ERBB4: variants seen among roughly 807,000 people sequenced by gnomAD.
The protein encoded by ERBB4 is receptor tyrosine-protein kinase erbB-4.
ERBB4 carries 42 observed loss-of-function variants against 158.0 expected under a neutral mutation model. That is an observed-to-expected ratio of 0.27 (90% CI 0.21 to 0.34). The LOEUF is 0.34. ERBB4 is among the 10% of genes least tolerant of loss of function. The probability of loss-of-function intolerance (pLI) is 1.00; values close to 1 mark genes in which losing one functional copy is unlikely to be tolerated. For synonymous variants in ERBB4, 583 were observed against 558.7 expected (o/e 1.04, Z -0.61); for missense variants, 1,333 against 1,624.1 (o/e 0.82, Z 3.08).
At chr2:211,578,748 C>A (rs1313914077) in intron 19 of ERBB4, among the ~76,000 whole-genome samples, 2 of 152,132 alleles carry the variant, frequency 1.3e-5, no homozygotes, top group Non-Finnish European at 2.9e-5. Flanking sequence ...ACTGGCTAGC[C>A]ATATGCAGAA....
chr2:212,317,452 A>G (rs926703441), intron 1 of ERBB4, among the ~76,000 whole-genome samples: 2 of 151,538 alleles, frequency 1.3e-5, no homozygotes, highest in African/African-American at 4.8e-5. Flanking sequence ...CATGGCTAAG[A>G]CTCTGATGCT....
intron 1 of ERBB4, among the ~76,000 whole-genome samples, chr2:212,140,846 A>AGTGTGTGTGTGTGTGTGTGTGTGT (rs35461019): frequency 7.6e-6 from 1 of 131,664 alleles, no homozygotes; most frequent in Admixed American, 7.6e-5. Context: ...AGGAAACATG[A>AGTGTGTGTGTGTGTGTGTGTGTGT]GTGTGTGTGT....
chr2:212,527,854 TC>T (rs767454529), intron 1 of ERBB4, among the ~76,000 whole-genome samples: 1,947 of 53,838 alleles, frequency 0.036, 23 homozygotes, highest in Non-Finnish European at 0.048. Flanking sequence ...CCCTCCCCCC[TC>T]CCCCCACCCC....
intron 16 of ERBB4, among the ~76,000 whole-genome samples, chr2:211,651,637 A>G (rs1366159910): frequency 6.9e-6 from 1 of 144,738 alleles, no homozygotes; most frequent in Non-Finnish European, 1.5e-5. Context: ...GACAAAATCT[A>G]GGAGATTCAA....
intron 1 of ERBB4, among the ~76,000 whole-genome samples, chr2:212,129,506 TGTATGGTATAAATACTTAGGATTTTG>T (rs1209283500): frequency 5.3e-5 from 8 of 151,732 alleles, no homozygotes; most frequent in African/African-American, 1.9e-4. Flanking sequence ...TTTAAATATT[TGTATGGTATAAATACTTAGGATTTTG>T]TTTAAACTTC....
At chr2:211,815,260 T>C (rs1015052279) in intron 3 of ERBB4, among the ~76,000 whole-genome samples, 2 of 152,198 alleles carry the variant, frequency 1.3e-5, no homozygotes, top group African/African-American at 2.4e-5. Context: ...ATTAGACATA[T>C]AGTAAATTAT....
intron 2 of ERBB4, among the ~76,000 whole-genome samples, chr2:212,055,568 G>A (rs553976276): frequency 8.5e-5 from 13 of 152,286 alleles, no homozygotes; most frequent in South Asian, 4.1e-4. Flanking sequence ...CGGGTACCCC[G>A]CTGAGATGAA....
intron 9 of ERBB4, among the ~76,000 whole-genome samples, chr2:211,710,528 G>A (rs551499844): frequency 1.3e-5 from 2 of 152,102 alleles, no homozygotes; most frequent in East Asian, 3.9e-4. Context: ...AGGCCAGTGG[G>A]GACTATGGTA....
chr2:212,534,800 C>T lies in ERBB4; in HGVS notation c.82+3649G>A, dbSNP rs551945813. Reference sequence around the variant, plus strand: ...AAGGGATGAAAGCTCATGAATACTACATATTTGAATCCACTTTGAGGAGGA... The same window carrying T: ...AAGGGATGAAAGCTCATGAATACTATATATTTGAATCCACTTTGAGGAGGA... On this transcript the variant is annotated intron_variant, in intron 1 of 27. Transcript: ENST00000342788. Among the ~76,000 whole-genome samples, 4 of 152,266 alleles carry T rather than the reference C, an allele frequency of 2.6e-5. No homozygotes were observed. In the South Asian group the frequency reaches 8.3e-4, roughly 32 times the overall value.
At chr2:211,939,190 G>T (rs1288320018) in intron 3 of ERBB4, among the ~76,000 whole-genome samples, 1 of 152,012 alleles carries the variant, frequency 6.6e-6, no homozygotes, top group Non-Finnish European at 1.5e-5. Context: ...CAATTTAATG[G>T]TTCACTGACA....
At chr2:212,083,534 C>A (rs1374061553) in intron 2 of ERBB4, among the ~76,000 whole-genome samples, 2 of 151,704 alleles carry the variant, frequency 1.3e-5, no homozygotes, top group African/African-American at 4.8e-5. Context: ...GTAAAATAGT[C>A]AAGAGAATGT....
At chr2:211,546,495 T>C (rs2066944458) in intron 20 of ERBB4, among the ~76,000 whole-genome samples, 1 of 152,162 alleles carries the variant, frequency 6.6e-6, no homozygotes, top group Non-Finnish European at 1.5e-5. Flanking sequence ...GTATTCATTA[T>C]TAACCTAAGT....
intron 1 of ERBB4, among the ~76,000 whole-genome samples, chr2:212,129,076 T>C (rs2080029938): frequency 6.6e-6 from 1 of 152,020 alleles, no homozygotes; most frequent in African/African-American, 2.4e-5. Flanking sequence ...CCAATGAGGA[T>C]GAACATATTT....
At chr2:212,065,679 T>C (rs1177970536) in intron 2 of ERBB4, among the ~76,000 whole-genome samples, 3 of 152,002 alleles carry the variant, frequency 2.0e-5, no homozygotes, top group African/African-American at 7.2e-5. Context: ...AAAATGTCTA[T>C]AATGACTTAA....
chr2:211,873,933 G>C (rs991455856), intron 3 of ERBB4, among the ~76,000 whole-genome samples: 3 of 151,928 alleles, frequency 2.0e-5, no homozygotes, highest in Non-Finnish European at 4.4e-5. Context: ...ATATAAAAAG[G>C]CTTCAAAATC....
intron 12 of ERBB4, among the ~76,000 whole-genome samples, chr2:211,691,632 T>C (rs1041396265): frequency 4.0e-5 from 6 of 148,652 alleles, no homozygotes; most frequent in African/African-American, 5.0e-5. Flanking sequence ...TGAGAGAACA[T>C]AGAATACAGC....
chr2:212,390,717 T>C (rs146802094), intron 1 of ERBB4, among the ~76,000 whole-genome samples: 2 of 151,924 alleles, frequency 1.3e-5, no homozygotes, highest in Admixed American at 6.6e-5. Context: ...AAAGACATCA[T>C]ATTTCCTTAA....
Position 211,555,263 on chromosome 2 carries a change from G to T in ERBB4, c.2487+6640C>A, listed in dbSNP as rs969053839. Reference sequence around the variant, plus strand: ...TGCAATGGCACGATCTCGGCTCACCGCAACCTCTACCTCCCAGGTTCAAGC... The same window carrying T: ...TGCAATGGCACGATCTCGGCTCACCTCAACCTCTACCTCCCAGGTTCAAGC... On this transcript the variant is annotated intron_variant, in intron 20 of 27. Coordinates refer to ENST00000342788, the MANE Select transcript of ERBB4 (RefSeq NM_005235.3). Among the ~76,000 whole-genome samples, 4 of 151,890 alleles carry T rather than the reference G, an allele frequency of 2.6e-5. No individual in the cohort carries two copies. In the South Asian group the frequency reaches 8.3e-4, roughly 32 times the overall value.
At chr2:212,062,695 G>C (rs532375370) in intron 2 of ERBB4, among the ~76,000 whole-genome samples, 1 of 151,996 alleles carries the variant, frequency 6.6e-6, no homozygotes, top group Non-Finnish European at 1.5e-5. Flanking sequence ...GTGAGCCACC[G>C]CTCCCAGCCC....
Sources: gnomAD v4.1 joint callset for allele counts (sites outside exome capture counted in the v4.1 genomes callset) on GRCh38, gnomAD v4.1.1 for gene constraint, MANE v1.5 for transcripts, NCBI Gene and HGNC (gene_info 2026-07-23, HGNC 2026-07-21) for gene names.